NUP205: variants seen among roughly 807,000 people sequenced by gnomAD.
NUP205 encodes the protein nuclear pore complex protein Nup205.
In NUP205, 76 loss-of-function variants were observed where a neutral mutation model predicts 253.8. The ratio of observed to expected loss-of-function variants is 0.30; its 90% CI spans 0.25 to 0.36. NUP205 has a LOEUF of 0.36. NUP205 is among the 10% of genes least tolerant of loss of function. The pLI is 1.00. For synonymous variants in NUP205, 832 were observed against 850.1 expected, an observed-to-expected ratio of 0.98 and a Z score of 0.37; for missense variants, 2,162 against 2,425.5, an observed-to-expected ratio of 0.89 and a Z score of 2.28.
intron 7 of NUP205, among the ~76,000 whole-genome samples, chr7:135,582,989 C>T (rs535260421): frequency 3.3e-5 from 5 of 152,052 alleles, no homozygotes; most frequent in Admixed American, 3.3e-4. Flanking sequence ...ACTTGGGAGG[C>T]GGAGACAGGA....
intron 2 of NUP205, among the ~76,000 whole-genome samples, chr7:135,572,422 A>C (rs1806022637): frequency 6.6e-6 from 1 of 152,178 alleles, no homozygotes; most frequent in South Asian, 2.1e-4. Flanking sequence ...AGTATTATGT[A>C]AGTTGTGTTA....
intron 18 of NUP205, 149 bp from the exon 19 acceptor site, chr7:135,604,191 G>A: frequency 1.8e-6 from 1 of 568,890 alleles, no homozygotes; most frequent in South Asian, 2.2e-5. Context: ...CTAACAGACT[G>A]CATCTATTTA....
chr7:135,645,896 T>C (rs933007583), intron 41 of NUP205: 2 of 575,512 alleles, frequency 3.5e-6, no homozygotes, highest in Non-Finnish European at 6.1e-6. Context: ...CTGATTCTTA[T>C]TGCTGGAGTG....
At chr7:135,599,629 G>C (rs1436135643) in intron 15 of NUP205, among the ~76,000 whole-genome samples, 4 of 152,140 alleles carry the variant, frequency 2.6e-5, no homozygotes, top group Non-Finnish European at 5.9e-5. Context: ...ATTGTGATCT[G>C]AGTGTTTAGA....
intron 10 of NUP205, among the ~76,000 whole-genome samples, chr7:135,590,388 A>T (rs1806594686): frequency 6.6e-6 from 1 of 152,252 alleles, no homozygotes; most frequent in South Asian, 2.1e-4. Flanking sequence ...TGCTGCGATT[A>T]CAGGCGTGAG....
At chr7:135,638,877 A>G (rs555439107) in intron 38 of NUP205, among the ~76,000 whole-genome samples, 194 bp downstream of exon 38, 1 of 152,322 alleles carries the variant, frequency 6.6e-6, no homozygotes, top group South Asian at 2.1e-4. Context: ...GAATAGAGAA[A>G]TTCAGGATTT....
chr7:135,597,982 T>C lies in NUP205; in HGVS notation c.2065-16T>C. ...ATAGTTTTTATTACCAAGTTTTCTT[T>C]CTTTTTCTTTGGAAGGTTGAACTAA... On this transcript the variant is annotated splice_polypyrimidine_tract_variant and intron_variant, in intron 14 of 42. Coordinates refer to ENST00000285968, the MANE Select transcript of NUP205 (RefSeq NM_015135.3). 1 of 1,607,914 alleles carries C rather than the reference T, an allele frequency of 6.2e-7. No individual in the cohort carries two copies. The highest frequency in any genetic ancestry group is 8.5e-7 in the Non-Finnish European group (1 of 1,175,360).
intron 34 of NUP205, among the ~76,000 whole-genome samples, chr7:135,628,927 A>T (rs770238287): frequency 3.7e-4 from 57 of 152,204 alleles, no homozygotes; most frequent in Admixed American, 7.2e-4. Context: ...TCAAGTTAGT[A>T]CTTTTTAAAA....
intron 11 of NUP205, 132 bp from the exon 12 acceptor site, chr7:135,592,855 C>T: frequency 1.5e-6 from 1 of 684,934 alleles, no homozygotes; most frequent in Non-Finnish European, 2.5e-6. Context: ...CCTCTGCACT[C>T]CAGCCTGGGT....
At position 135,592,971 on chromosome 7, in the gene NUP205, C is replaced by T; in HGVS notation, c.1625-16C>T. 6.4e-7 allele frequency: 1 copy of T among 1,551,350 alleles called. No individual in the cohort carries two copies. Among genetic ancestry groups the T allele is most frequent in the East Asian group, 2.2e-5 (1 of 44,528 alleles). ...GATGTTTTTTAAATAAAATTCTGTG[C>T]TGTTTTTCTTTATAGTTGAAAATAT... On this transcript the variant is annotated splice_polypyrimidine_tract_variant and intron_variant, in intron 11 of 42. Coordinates refer to ENST00000285968, the MANE Select transcript of NUP205 (RefSeq NM_015135.3).
intron 1 of NUP205, among the ~76,000 whole-genome samples, chr7:135,565,305 T>C (rs1805720355): frequency 1.3e-5 from 2 of 152,184 alleles, no homozygotes; most frequent in Non-Finnish European, 2.9e-5. Flanking sequence ...CAGATTTGCA[T>C]AGGAGTCATC....
chr7:135,624,355 C>T (rs1794537014), intron 31 of NUP205, among the ~76,000 whole-genome samples: 1 of 150,648 alleles, frequency 6.6e-6, no homozygotes, highest in East Asian at 1.9e-4. Flanking sequence ...GCATGCACCA[C>T]CATGCTGGGG....
chr7:135,607,030 G>A, intron 21 of NUP205, 115 bp downstream of exon 21: 24 of 1,205,168 alleles, frequency 2.0e-5, no homozygotes, highest in Non-Finnish European at 2.8e-5. Flanking sequence ...TGTAAGAAAG[G>A]TAATGTGATG....
At chr7:135,584,801 C>T (rs1806410035) in intron 7 of NUP205, 31 bp from the exon 8 acceptor site, 1 of 1,601,608 alleles carries the variant, frequency 6.2e-7, no homozygotes, top group African/African-American at 1.3e-5. Context: ...GACTTTTCCT[C>T]CATGTACTGT....
chr7:135,610,223 CGTT>C (rs2129490913), intron 22 of NUP205, among the ~76,000 whole-genome samples: 1 of 152,254 alleles, frequency 6.6e-6, no homozygotes, highest in African/African-American at 2.4e-5. Context: ...TCTCTGTTGT[CGTT>C]GTTACTGTTT....
chr7:135,612,574 C>A (rs1270299279), intron 22 of NUP205, among the ~76,000 whole-genome samples: 1 of 152,072 alleles, frequency 6.6e-6, no homozygotes, highest in African/African-American at 2.4e-5. Context: ...CTAAATAGAC[C>A]ATTTAAAGAA....
Position 135,571,148 on chromosome 7 carries a change from G to T in NUP205, c.72G>T (p.Val24=), listed in dbSNP as rs761736381. Residue 24 remains valine (V), a synonymous_variant, in exon 2 of 43, where the codon GTG becomes GTT. Coordinates refer to ENST00000285968, the MANE Select transcript of NUP205 (RefSeq NM_015135.3). The stretch of plus-strand genomic sequence containing the variant: ...CTTACAAAGACATTTGGCATAAAGT[G>T]GGAAATGCTCTTTGGAGAAGACAAC... ...WGPYKDIWHK[V]GNALWRRQPE... is the part of the protein sequence containing the mutation. The T allele has an allele frequency of 1.9e-6, 3 of 1,546,676 alleles. No individual in the cohort carries two copies. Among genetic ancestry groups the T allele is most frequent in the Non-Finnish European group, 2.6e-6 (3 of 1,146,324 alleles).
chr7:135,596,549 A>G (rs1299767737), intron 13 of NUP205, among the ~76,000 whole-genome samples: 1 of 152,222 alleles, frequency 6.6e-6, no homozygotes, highest in African/African-American at 2.4e-5. Context: ...AAAGTAAAGT[A>G]TCATGACAGT....
intron 34 of NUP205, among the ~76,000 whole-genome samples, chr7:135,629,582 A>G (rs1794667516): frequency 6.8e-6 from 1 of 146,912 alleles, no homozygotes; most frequent in South Asian, 2.1e-4. Context: ...GCTGGAGTGC[A>G]GTGGCACGAT....
Sources: allele counts gnomAD v4.1 joint callset (sites outside exome capture counted in the v4.1 genomes callset), GRCh38; gene constraint gnomAD v4.1.1; transcripts MANE v1.5; gene names NCBI Gene and HGNC (gene_info 2026-07-23, HGNC 2026-07-21).